ZSCAN25: variants seen among roughly 807,000 people sequenced by gnomAD.
ZSCAN25 encodes zinc finger and SCAN domain-containing protein 25.
In ZSCAN25, 27 loss-of-function variants were observed where a neutral mutation model predicts 38.7. That is an observed-to-expected ratio of 0.70 (90% CI 0.51 to 0.96). ZSCAN25 has a LOEUF of 0.96. Among genes scored for constraint, ZSCAN25 ranks in the 40% least tolerant of loss-of-function variants. ZSCAN25 has a pLI of 0.00. For synonymous variants in ZSCAN25, 273 were observed against 277.7 expected, an observed-to-expected ratio of 0.98 and a Z score of 0.17; for missense variants, 637 against 705.9, an observed-to-expected ratio of 0.90 and a Z score of 1.11.
At chr7:99,638,630 C>T in the ZSCAN25 span, 1 of 1,584,554 alleles carries the variant, frequency 6.3e-7, no homozygotes, top group Non-Finnish European at 8.7e-7. Flanking sequence ...ACGTTGAAAC[C>T]CACAGTGGGA....
At position 99,619,740 on chromosome 7, in the gene ZSCAN25, T is replaced by TTC. The variant is rs1216684495; in HGVS notation, c.135_136dup (p.Arg46LeufsTer27). 3 of 1,614,128 alleles carry TTC rather than the reference T, an allele frequency of 1.9e-6. No homozygotes were observed. Among genetic ancestry groups the TTC allele is most frequent in the Non-Finnish European group, 2.5e-6 (3 of 1,180,046 alleles). On this transcript the variant is annotated frameshift_variant, in exon 4 of 8. Transcript: ENST00000394152. LOFTEE classifies it high-confidence loss of function. The stretch of plus-strand genomic sequence containing the variant: ...AGTCCAGAGACTTTTCGGCTGAGGT[T>TTC]TCGGCAGTTCCGCTACCAGGAGGCA...
chr7:99,696,908 C>A, the ZSCAN25 span, among the ~76,000 whole-genome samples: 1 of 152,190 alleles, frequency 6.6e-6, no homozygotes, highest in Admixed American at 6.5e-5. Context: ...GTGGCACCTC[C>A]TCCCCACCCT....
chr7:99,698,646 T>C, the ZSCAN25 span, among the ~76,000 whole-genome samples: 2 of 152,176 alleles, frequency 1.3e-5, no homozygotes, highest in Non-Finnish European at 2.9e-5. Flanking sequence ...CAGTCTTGTC[T>C]TAGCGATATA....
the ZSCAN25 span, among the ~76,000 whole-genome samples, chr7:99,640,348 G>C: frequency 6.6e-6 from 1 of 152,124 alleles, no homozygotes; most frequent in Non-Finnish European, 1.5e-5. Context: ...AGTAGAGACG[G>C]GGTTTCACCA....
downstream of ZSCAN25, among the ~76,000 whole-genome samples, chr7:99,635,299 C>T (rs919425305): frequency 6.6e-5 from 10 of 152,080 alleles, no homozygotes; most frequent in African/African-American, 2.4e-4. Context: ...TTATATTAAA[C>T]AAGATTAACC....
rs1029678039 is a variant in ZSCAN25, at chr7:99,631,591, C to T, written c.*1571C>T. 1.3e-5 allele frequency: 13 copies of T among 985,120 alleles called. No individual in the cohort carries two copies. Among genetic ancestry groups the T allele is most frequent in the Non-Finnish European group, 1.6e-5 (13 of 829,920 alleles). 61.0% of individuals were successfully genotyped at this position (985,120 alleles called of 1,614,324 possible). A position where few individuals can be genotyped will look rare whatever the true frequency, so the allele number is the denominator to read the frequency against. On this transcript the variant is annotated 3_prime_UTR_variant, in exon 8 of 8. Transcript: ENST00000394152. ...CAAAATGTGGTTTGTCTTCTGATGC[C>T]TCTTAATACCAGATTCTTTTACTGA... is the stretch of plus-strand genomic sequence containing the variant.
chr7:99,709,640 C>T, the ZSCAN25 span, among the ~76,000 whole-genome samples: 1 of 152,102 alleles, frequency 6.6e-6, no homozygotes, highest in Admixed American at 6.5e-5. Context: ...ACGTCTGTAA[C>T]CAAGGAAGTG....
chr7:99,728,694 T>C, the ZSCAN25 span, among the ~76,000 whole-genome samples: 1 of 152,198 alleles, frequency 6.6e-6, no homozygotes, highest in Non-Finnish European at 1.5e-5. Flanking sequence ...ACTGAACAAC[T>C]TCCTGTCCCC....
chr7:99,663,151 G>A, the ZSCAN25 span: 17 of 1,173,368 alleles, frequency 1.4e-5, 1 homozygote, highest in African/African-American at 2.5e-4. Context: ...CTGTCTTTTG[G>A]ATACAGCTTT....
the ZSCAN25 span, among the ~76,000 whole-genome samples, chr7:99,703,760 A>T: frequency 6.6e-6 from 1 of 151,994 alleles, no homozygotes; most frequent in Non-Finnish European, 1.5e-5. Context: ...CTTCCCACTC[A>T]TGGATGCCCT....
the ZSCAN25 span, among the ~76,000 whole-genome samples, chr7:99,656,189 C>G: frequency 6.6e-6 from 1 of 152,140 alleles, no homozygotes; most frequent in Non-Finnish European, 1.5e-5. Context: ...CAGTTTTTGT[C>G]CATTCAGTAT....
the ZSCAN25 span, among the ~76,000 whole-genome samples, chr7:99,676,991 C>T: frequency 6.6e-6 from 1 of 152,152 alleles, no homozygotes; most frequent in Non-Finnish European, 1.5e-5. Context: ...TAATACTTCT[C>T]AGGTCATACT....
chr7:99,720,231 ACTGT>A, the ZSCAN25 span: 2 of 1,549,730 alleles, frequency 1.3e-6, no homozygotes, highest in Non-Finnish European at 1.8e-6. Context: ...TTTTTAGGCA[ACTGT>A]CTATGAATAT....
chr7:99,727,422 C>T, the ZSCAN25 span, among the ~76,000 whole-genome samples: 5 of 152,272 alleles, frequency 3.3e-5, no homozygotes, highest in East Asian at 3.9e-4. Context: ...TTCTGTTCCC[C>T]AGCTCCTTTA....
At chr7:99,695,624 T>G in the ZSCAN25 span, 2 of 816,026 alleles carry the variant, frequency 2.5e-6, no homozygotes, top group East Asian at 5.4e-5. Context: ...ATGATGCCTA[T>G]ACACTGTTTC....
the ZSCAN25 span, chr7:99,667,112 T>A: frequency 1.3e-6 from 2 of 1,544,270 alleles, no homozygotes; most frequent in Non-Finnish European, 1.8e-6. Flanking sequence ...TGTGGTGATC[T>A]TCATGGTTGC....
At chr7:99,707,160 G>C in the ZSCAN25 span, among the ~76,000 whole-genome samples, 8 of 152,170 alleles carry the variant, frequency 5.3e-5, no homozygotes, top group African/African-American at 1.7e-4. Flanking sequence ...TAATTGAGTT[G>C]AAAAGGAGCC....
chr7:99,644,381 A>G, the ZSCAN25 span, among the ~76,000 whole-genome samples: 2 of 152,152 alleles, frequency 1.3e-5, no homozygotes, highest in Non-Finnish European at 2.9e-5. Flanking sequence ...CTCCTGGCCT[A>G]GGGCACTGGA....
intron 4 of ZSCAN25, chr7:99,621,145 G>A (rs962614970): frequency 5.5e-6 from 2 of 366,488 alleles, no homozygotes; most frequent in Non-Finnish European, 9.6e-6. Context: ...GGGGACCCTT[G>A]TCAAATGGCG....
Sources: gnomAD v4.1 joint callset for allele counts (sites outside exome capture counted in the v4.1 genomes callset) on GRCh38, gnomAD v4.1.1 for gene constraint, MANE v1.5 for transcripts, NCBI Gene and HGNC (gene_info 2026-07-23, HGNC 2026-07-21) for gene names.